CDKAL1: variants seen among roughly 807,000 people sequenced by gnomAD.
CDKAL1 encodes threonylcarbamoyladenosine tRNA methylthiotransferase.
In CDKAL1, 32 loss-of-function variants were observed where a neutral mutation model predicts 68.2. That is an observed-to-expected ratio of 0.47 (90% CI 0.35 to 0.63). The LOEUF is 0.63. Ranked by LOEUF, CDKAL1 falls within the 30% of genes least tolerant of loss-of-function variation. The probability of loss-of-function intolerance (pLI) is 0.00; values close to 1 mark genes in which losing one functional copy is unlikely to be tolerated. For synonymous variants in CDKAL1, 234 were observed against 244.3 expected (o/e 0.96, Z 0.39); for missense variants, 606 against 696.7 (o/e 0.87, Z 1.47).
intron 5 of CDKAL1, among the ~76,000 whole-genome samples, chr6:20,726,352 C>A (rs541746164): frequency 6.6e-6 from 1 of 152,140 alleles, no homozygotes; most frequent in Non-Finnish European, 1.5e-5. Flanking sequence ...CAGTATATAC[C>A]TCACATGTAC....
At chr6:21,224,599 A>G (rs1270674565) in intron 15 of CDKAL1, among the ~76,000 whole-genome samples, 1 of 152,200 alleles carries the variant, frequency 6.6e-6, no homozygotes, top group African/African-American at 2.4e-5. Flanking sequence ...TCACAGGCCA[A>G]GAGATGTAGG....
intron 10 of CDKAL1, among the ~76,000 whole-genome samples, chr6:20,987,467 C>A (rs1766531328): frequency 6.6e-6 from 1 of 152,088 alleles, no homozygotes; most frequent in African/African-American, 2.4e-5. Context: ...GTTGGCCAGG[C>A]TGGTCTTGAA....
At chr6:20,610,486 A>C (rs2328527) in intron 4 of CDKAL1, among the ~76,000 whole-genome samples, 42,986 of 143,456 alleles carry the variant, frequency 0.3, 6,609 homozygotes, top group East Asian at 0.55. Context: ...TGGTGTGGAA[A>C]ACGTTTTTTT....
At chr6:21,155,862 CAT>C (rs1478663183) in intron 13 of CDKAL1, among the ~76,000 whole-genome samples, 1 of 152,078 alleles carries the variant, frequency 6.6e-6, no homozygotes, top group African/African-American at 2.4e-5. Flanking sequence ...TCTGAGTAAA[CAT>C]AAATCTGTGA....
intron 15 of CDKAL1, among the ~76,000 whole-genome samples, chr6:21,203,565 A>G (rs1467807688): frequency 6.6e-6 from 1 of 151,560 alleles, no homozygotes; most frequent in Admixed American, 6.6e-5. Context: ...TTTTCTAGAG[A>G]CAGGATCTCG....
At chr6:20,627,747 G>T (rs1434177607) in intron 4 of CDKAL1, among the ~76,000 whole-genome samples, 3 of 152,132 alleles carry the variant, frequency 2.0e-5, no homozygotes, top group Admixed American at 2.0e-4. Flanking sequence ...AATTTGGAGA[G>T]ACTTTAATTT....
chr6:20,805,353 A>G (rs979025344), intron 8 of CDKAL1, among the ~76,000 whole-genome samples: 4 of 152,208 alleles, frequency 2.6e-5, no homozygotes, highest in Non-Finnish European at 4.4e-5. Flanking sequence ...ATTGTTTGCA[A>G]TGCTGGTCAG....
At chr6:20,648,158 C>A (rs1175768529) in intron 4 of CDKAL1, among the ~76,000 whole-genome samples, 2 of 145,882 alleles carry the variant, frequency 1.4e-5, no homozygotes, top group African/African-American at 5.1e-5. Flanking sequence ...TGGAGTCTTG[C>A]TCCATCGCAC....
chr6:21,042,754 A>C (rs1199348159), intron 11 of CDKAL1, among the ~76,000 whole-genome samples: 1 of 152,110 alleles, frequency 6.6e-6, no homozygotes, highest in Non-Finnish European at 1.5e-5. Context: ...TACCGCTTCA[A>C]ACGTTTTCCT....
intron 4 of CDKAL1, among the ~76,000 whole-genome samples, chr6:20,643,217 G>T (rs1378104676): frequency 1.3e-5 from 2 of 152,066 alleles, no homozygotes; most frequent in Non-Finnish European, 2.9e-5. Context: ...CCATCTGCCT[G>T]GCCCTTCTTT....
chr6:20,881,815 A>C (rs1034404269), intron 9 of CDKAL1, among the ~76,000 whole-genome samples: 3 of 152,116 alleles, frequency 2.0e-5, no homozygotes, highest in Non-Finnish European at 4.4e-5. Context: ...AGTAGTTAAT[A>C]ATTTTTATTC....
intron 4 of CDKAL1, among the ~76,000 whole-genome samples, chr6:20,595,493 A>G (rs1765781299): frequency 6.6e-6 from 1 of 151,778 alleles, no homozygotes. Context: ...TGCTTCTTGA[A>G]ATTCTCATGC....
At chr6:21,166,450 A>G (rs987804467) in intron 13 of CDKAL1, among the ~76,000 whole-genome samples, 2 of 152,216 alleles carry the variant, frequency 1.3e-5, no homozygotes, top group Non-Finnish European at 2.9e-5. Flanking sequence ...TAGATCATAC[A>G]TAACATGCCA....
At chr6:20,915,117 T>A (rs1157044429) in intron 9 of CDKAL1, among the ~76,000 whole-genome samples, 1 of 151,810 alleles carries the variant, frequency 6.6e-6, no homozygotes, top group Non-Finnish European at 1.5e-5. Flanking sequence ...AATATATAAA[T>A]TTATTGTAAA....
At chr6:20,699,285 G>T (rs1402739937) in intron 5 of CDKAL1, among the ~76,000 whole-genome samples, 2 of 151,922 alleles carry the variant, frequency 1.3e-5, no homozygotes, top group Non-Finnish European at 2.9e-5. Flanking sequence ...ATAAATTACT[G>T]CCATTCTAAT....
At chr6:20,555,309 T>A (rs1351743038) in intron 4 of CDKAL1, among the ~76,000 whole-genome samples, 1 of 152,158 alleles carries the variant, frequency 6.6e-6, no homozygotes, top group Non-Finnish European at 1.5e-5. Context: ...TGCTTTATTT[T>A]TTTATTTTTA....
intron 5 of CDKAL1, among the ~76,000 whole-genome samples, chr6:20,696,040 T>C (rs1431112707): frequency 6.6e-6 from 1 of 152,244 alleles, no homozygotes; most frequent in Admixed American, 6.5e-5. Context: ...ATTTCACTGA[T>C]ATTTAAAAAA....
intron 10 of CDKAL1, among the ~76,000 whole-genome samples, chr6:20,999,684 A>AAAAG (rs1179668523): frequency 3.3e-4 from 48 of 144,436 alleles, no homozygotes; most frequent in Middle Eastern, 7.3e-3. Context: ...AAAAAAAAAA[A>AAAAG]AAAGAAAGAA....
chr6:20,758,609 T>G lies in CDKAL1; in HGVS notation c.483T>G (p.Asp161Glu), dbSNP rs1331961370. ...GLSIIGVQQI[D>E]RVVEVVEETI... is the part of the protein sequence containing the mutation. ...TTTTTTTCCAGGTTCAGCAGATAGA[T>G]CGTGTGGTAGAAGTTGTGGAGGAGA... The change falls in exon 7 of 16, where the codon GAT (aspartate) becomes GAG (glutamate). Residue 161 changes from aspartate to glutamate, a missense_variant. Asp to Glu is a conservative substitution (Grantham distance 45). Coordinates refer to ENST00000274695, the MANE Select transcript of CDKAL1 (RefSeq NM_017774.3). 6 of 1,607,960 alleles carry G rather than the reference T, an allele frequency of 3.7e-6. No homozygotes were observed. The highest frequency in any genetic ancestry group is 5.1e-6 in the Non-Finnish European group (6 of 1,177,858).
Sources: gnomAD v4.1 joint callset for allele counts (sites outside exome capture counted in the v4.1 genomes callset) on GRCh38, gnomAD v4.1.1 for gene constraint, MANE v1.5 for transcripts, NCBI Gene and HGNC (gene_info 2026-07-23, HGNC 2026-07-21) for gene names.